Variants in UNC5D observed in about 807,000 individuals in gnomAD.
UNC5D encodes netrin receptor UNC5D.
UNC5D carries 39 observed loss-of-function variants against 105.4 expected under a neutral mutation model. The observed-to-expected ratio is 0.37, with a 90% CI of 0.29 to 0.48. UNC5D has a LOEUF of 0.48. Ranked by LOEUF, UNC5D falls within the 20% of genes least tolerant of loss-of-function variation. The pLI is 0.98. For missense variants in UNC5D, 991 were observed against 1,202.4 expected, an observed-to-expected ratio of 0.82 and a Z score of 2.60; for synonymous variants, 452 against 450.4, an observed-to-expected ratio of 1.00 and a Z score of -0.04.
At chr8:35,646,592 A>G (rs1586328647) in intron 4 of UNC5D, among the ~76,000 whole-genome samples, 1 of 152,126 alleles carries the variant, frequency 6.6e-6, no homozygotes, top group Non-Finnish European at 1.5e-5. Flanking sequence ...CAGATGATTT[A>G]TAGTACTTAA....
rs1415748793 is a variant in UNC5D, at chr8:35,487,593, A to ACACACACACACACACC, written c.104-61698_104-61697insACACACACACACACCC. Among the ~76,000 whole-genome samples, 1,208 of 150,558 alleles carry ACACACACACACACACC rather than the reference A, an allele frequency of 8.0e-3. 32 individuals are homozygous for ACACACACACACACACC. The highest frequency in any genetic ancestry group is 0.029 in the African/African-American group (1,163 of 40,684). On this transcript the variant is annotated intron_variant, in intron 1 of 16. Coordinates refer to ENST00000404895, the MANE Select transcript of UNC5D (RefSeq NM_080872.4). ...CACACACACACACACACACACACAC[A>ACACACACACACACACC]CCCCACAGACTGTTAGTTTTAGTTC...
chr8:35,360,176 G>A (rs1801785011), intron 1 of UNC5D, among the ~76,000 whole-genome samples: 1 of 152,082 alleles, frequency 6.6e-6, no homozygotes, highest in Non-Finnish European at 1.5e-5. Context: ...TGAGAGCTCT[G>A]TCTGCAGCTC....
At chr8:35,394,961 C>T (rs540544718) in intron 1 of UNC5D, among the ~76,000 whole-genome samples, 1 of 152,290 alleles carries the variant, frequency 6.6e-6, no homozygotes, top group South Asian at 2.1e-4. Flanking sequence ...ACACCTAATA[C>T]ATTTGTTGGA....
At chr8:35,435,070 T>A (rs940335593) in intron 1 of UNC5D, among the ~76,000 whole-genome samples, 1 of 152,054 alleles carries the variant, frequency 6.6e-6, no homozygotes, top group Non-Finnish European at 1.5e-5. Flanking sequence ...GACTGTGGAG[T>A]ATGGTTTTTT....
intron 11 of UNC5D, among the ~76,000 whole-genome samples, chr8:35,746,193 A>G (rs987773682): frequency 1.3e-5 from 2 of 152,168 alleles, no homozygotes; most frequent in Non-Finnish European, 2.9e-5. Context: ...AGAGCCTGTG[A>G]GTGAGAAATT....
chr8:35,671,899 C>T (rs528224420), intron 4 of UNC5D, among the ~76,000 whole-genome samples: 13 of 151,998 alleles, frequency 8.6e-5, no homozygotes, highest in South Asian at 6.3e-4. Context: ...AGCTGGTCTC[C>T]GATAATTACC....
chr8:35,544,095 C>T (rs7002810), intron 1 of UNC5D, among the ~76,000 whole-genome samples: 21,751 of 152,178 alleles, frequency 0.14, 1,946 homozygotes, highest in Admixed American at 0.24. Flanking sequence ...AGCATCTCCT[C>T]AGATGCACAG....
rs151259244 is a variant in UNC5D at position 35,602,223 on chromosome 8, C to T, written c.570+6566C>T. On this transcript the variant is annotated intron_variant, in intron 4 of 16. Coordinates refer to ENST00000404895, the MANE Select transcript of UNC5D (RefSeq NM_080872.4). The stretch of plus-strand genomic sequence containing the variant: ...GCCCGTATTTTATTGAGAATTTTTG[C>T]ATCAGTGTTCATCAAGGATATTGGT... Among the ~76,000 whole-genome samples, 724 of 152,276 alleles carry T rather than the reference C, an allele frequency of 4.8e-3. 9 individuals carry two copies. Among genetic ancestry groups the T allele is most frequent in the East Asian group, 0.023 (118 of 5,170 alleles).
intron 1 of UNC5D, among the ~76,000 whole-genome samples, chr8:35,301,056 C>T (rs2980403): frequency 0.36 from 54,893 of 152,080 alleles, 10,919 homozygotes; most frequent in Middle Eastern, 0.45. Flanking sequence ...GCAACAAGCA[C>T]ACCTTGCTCG....
intron 4 of UNC5D, among the ~76,000 whole-genome samples, chr8:35,625,164 C>T (rs985013495): frequency 3.3e-5 from 5 of 152,080 alleles, no homozygotes; most frequent in Non-Finnish European, 5.9e-5. Context: ...ACATAAACTT[C>T]CCTTGATTTT....
At chr8:35,361,128 G>A (rs1801831035) in intron 1 of UNC5D, among the ~76,000 whole-genome samples, 1 of 152,106 alleles carries the variant, frequency 6.6e-6, no homozygotes, top group Non-Finnish European at 1.5e-5. Context: ...GAGTTTCAGG[G>A]TGGTTGCAAA....
intron 4 of UNC5D, among the ~76,000 whole-genome samples, chr8:35,601,737 A>G (rs1199746370): frequency 6.6e-6 from 1 of 152,206 alleles, no homozygotes; most frequent in African/African-American, 2.4e-5. Flanking sequence ...CAGTCATGTC[A>G]TCTGCAAACA....
intron 16 of UNC5D, among the ~76,000 whole-genome samples, chr8:35,782,087 T>C (rs1019706482): frequency 6.6e-6 from 1 of 152,226 alleles, no homozygotes; most frequent in Non-Finnish European, 1.5e-5. Flanking sequence ...GCAGGAACTA[T>C]ATAGTGCTCA....
At chr8:35,235,928 AG>A in intron 1 of UNC5D, 41 bp downstream of exon 1, 1 of 1,221,380 alleles carries the variant, frequency 8.2e-7, no homozygotes. Flanking sequence ...GCGAGGGCGC[AG>A]GGGCGCCAGC....
At chr8:35,747,900 G>T (rs1467475586) in intron 11 of UNC5D, among the ~76,000 whole-genome samples, 1 of 152,162 alleles carries the variant, frequency 6.6e-6, no homozygotes, top group Non-Finnish European at 1.5e-5. Flanking sequence ...ATAGAAAAGA[G>T]TTGAAAGATA....
At chr8:35,660,189 A>G (rs1824024424) in intron 4 of UNC5D, among the ~76,000 whole-genome samples, 1 of 152,204 alleles carries the variant, frequency 6.6e-6, no homozygotes, top group Non-Finnish European at 1.5e-5. Context: ...CATGATAGAA[A>G]TGGAATGATT....
At chr8:35,588,054 TA>T (rs1818909074) in intron 3 of UNC5D, among the ~76,000 whole-genome samples, 4 of 148,728 alleles carry the variant, frequency 2.7e-5, no homozygotes, top group South Asian at 4.3e-4. Context: ...AAACCACATT[TA>T]AAAATCTATC....
chr8:35,646,376 C>T (rs1823050971), intron 4 of UNC5D, among the ~76,000 whole-genome samples: 1 of 152,084 alleles, frequency 6.6e-6, no homozygotes, highest in Non-Finnish European at 1.5e-5. Context: ...CATTGAAGAA[C>T]ATTGGAAGGC....
At chr8:35,542,212 A>T (rs7011885) in intron 1 of UNC5D, among the ~76,000 whole-genome samples, 21,551 of 152,192 alleles carry the variant, frequency 0.14, 1,895 homozygotes, top group East Asian at 0.25. Context: ...AATTGCATTA[A>T]ATATTTGGTA....
Sources: gnomAD v4.1 joint callset for allele counts (sites outside exome capture counted in the v4.1 genomes callset) on GRCh38, gnomAD v4.1.1 for gene constraint, MANE v1.5 for transcripts, NCBI Gene and HGNC (gene_info 2026-07-23, HGNC 2026-07-21) for gene names.